LIMS1: variants seen among roughly 807,000 people sequenced by gnomAD.
The protein encoded by LIMS1 is LIM zinc finger domain containing 1, also known as LIM and senescent cell antigen-like-containing domain protein 1.
LIMS1 carries 18 observed loss-of-function variants against 44.1 expected under a neutral mutation model. The observed-to-expected ratio is 0.41, with a 90% CI of 0.28 to 0.61. The LOEUF (loss-of-function observed/expected upper bound fraction) is 0.61. LIMS1 is among the 20% of genes least tolerant of loss of function. LIMS1 has a pLI of 0.32. For synonymous variants in LIMS1, 93 were observed against 149.1 expected (o/e 0.62, Z 2.74); for missense variants, 201 against 422.0 (o/e 0.48, Z 4.59).
chr2:108,638,845 C>G (rs1206211544), intron 1 of LIMS1, among the ~76,000 whole-genome samples: 1 of 152,076 alleles, frequency 6.6e-6, no homozygotes, highest in Non-Finnish European at 1.5e-5. Flanking sequence ...AGATCAACAC[C>G]ATCCTGGCTA....
chr2:108,681,699 T>C (rs1299891489), intron 9 of LIMS1: 4 of 545,198 alleles, frequency 7.3e-6, no homozygotes, highest in Non-Finnish European at 9.3e-6. Flanking sequence ...AGTGGAAGGA[T>C]TGCCTGAGCC....
Position 108,638,968 on chromosome 2 carries a change from G to A in LIMS1, c.33-20637G>A, listed in dbSNP as rs188602114. ...TGAGGCAGGAGAATGGTGTGAACCC[G>A]GGAGGCGGAGCCTGCAGTGAGCATG... On this transcript the variant is annotated intron_variant, in intron 1 of 9. Transcript: ENST00000544547. Among the ~76,000 whole-genome samples, 22 of 152,190 alleles carry A rather than the reference G, an allele frequency of 1.4e-4. 1 individual carries two copies. Among genetic ancestry groups the A allele is most frequent in the Admixed American group, 6.5e-4 (10 of 15,296 alleles).
At chr2:108,597,569 G>A (rs1226035389) in intron 1 of LIMS1, among the ~76,000 whole-genome samples, 1 of 152,062 alleles carries the variant, frequency 6.6e-6, no homozygotes, top group African/African-American at 2.4e-5. Flanking sequence ...TTGCTTGTAC[G>A]TATGTCTGTG....
rs149352216 is a variant in LIMS1 at position 108,567,159 on chromosome 2, A to G, written c.32+32565A>G. ...TGATGAGAACAAAAAATTGATTCCC[A>G]GTTGGGACCAGTGTCTGTGTGGGGT... On this transcript the variant is annotated intron_variant, in intron 1 of 9. Transcript: ENST00000544547. 5.9e-5 allele frequency among the ~76,000 whole-genome samples: 9 copies of G among 152,310 alleles called. No individual in the cohort carries two copies. In the East Asian group the frequency reaches 1.2e-3, roughly 20 times the overall value.
At chr2:108,607,190 A>G in intron 1 of LIMS1, 1 of 1,550,610 alleles carries the variant, frequency 6.4e-7, no homozygotes, top group South Asian at 1.2e-5. Context: ...GCCATCTATG[A>G]GCATGGAGAG....
chr2:108,644,751 A>G (rs1689947830), intron 1 of LIMS1, among the ~76,000 whole-genome samples: 5 of 152,112 alleles, frequency 3.3e-5, no homozygotes, highest in Admixed American at 3.3e-4. Flanking sequence ...AAGAACGCTG[A>G]AAAAAGGTTA....
Position 108,612,049 on chromosome 2 carries a change from CACACATAT to C in LIMS1, c.33-47554_33-47547del, listed in dbSNP as rs1221570711. ...ACATATACACACACACACACACACA[CACACATAT>C]ATATATATATATACATATATATATG... On this transcript the variant is annotated intron_variant, in intron 1 of 9. Transcript: ENST00000544547. Among the ~76,000 whole-genome samples the C allele has an allele frequency of 3.1e-3, 282 of 92,298 alleles. 2 individuals carry two copies. Among genetic ancestry groups the C allele is most frequent in the African/African-American group, 0.014 (270 of 19,264 alleles). 60.6% of individuals were successfully genotyped at this position (92,298 alleles called of 152,430 possible). A position where few individuals can be genotyped will look rare whatever the true frequency, so the allele number is the denominator to read the frequency against.
chr2:108,687,243 A>G (rs924207644), downstream of LIMS1: 2 of 152,204 alleles, frequency 1.3e-5, no homozygotes, highest in African/African-American at 4.8e-5. Context: ...ATTGTTAACA[A>G]TAACCTGTTG....
At chr2:108,538,721 A>G (rs1684220431) in intron 1 of LIMS1, among the ~76,000 whole-genome samples, 1 of 152,236 alleles carries the variant, frequency 6.6e-6, no homozygotes, top group African/African-American at 2.4e-5. Context: ...AAACATGCAA[A>G]ACAAAATTTA....
In LIMS1 at chr2:108,549,334, G is replaced by A. The variant is rs71381967; in HGVS notation, c.32+14740G>A. On this transcript the variant is annotated intron_variant, in intron 1 of 9. Coordinates refer to ENST00000544547, the Ensembl canonical transcript of LIMS1. ...TTTTGAGATGCAGTGTCGCTCTGTC[G>A]CCCAGGCTGGAGTGTAGTGGCATGA... Among the ~76,000 whole-genome samples, 594 of 119,870 alleles carry A rather than the reference G, an allele frequency of 5.0e-3. 3 individuals carry two copies. Among genetic ancestry groups the A allele is most frequent in the Middle Eastern group, 0.015 (2 of 130 alleles). The allele number at this position is 119,870 out of a possible 152,430, so 78.6% of individuals were successfully genotyped here.
intron 9 of LIMS1, 80 bp from the exon 10 acceptor site, chr2:108,683,805 C>G: frequency 1.4e-6 from 1 of 700,960 alleles, no homozygotes; most frequent in South Asian, 2.1e-5. Flanking sequence ...TAGTTCAGTA[C>G]AATTACTGCA....
At chr2:108,573,545 A>G (rs1031550766) in intron 1 of LIMS1, among the ~76,000 whole-genome samples, 2 of 152,198 alleles carry the variant, frequency 1.3e-5, no homozygotes, top group African/African-American at 4.8e-5. Flanking sequence ...CACTGCAGGG[A>G]TGAATTACCT....
chr2:108,577,810 A>T (rs77734305), intron 1 of LIMS1, among the ~76,000 whole-genome samples: 1,833 of 152,326 alleles, frequency 0.012, 43 homozygotes, highest in African/African-American at 0.043. Context: ...AAAAAATGAA[A>T]ATCTATTTTT....
chr2:108,671,446 A>G (rs2433828), intron 3 of LIMS1, among the ~76,000 whole-genome samples: 2 of 152,090 alleles, frequency 1.3e-5, no homozygotes, highest in Non-Finnish European at 2.9e-5. Flanking sequence ...AACCTTTACC[A>G]ACTTGCTTTT....
At chr2:108,561,741 T>G (rs1478042090) in intron 1 of LIMS1, among the ~76,000 whole-genome samples, 1 of 120,974 alleles carries the variant, frequency 8.3e-6, no homozygotes, top group East Asian at 1.0e-3. Context: ...GCAGTGTTTT[T>G]TTTTGTTTTT....
intron 1 of LIMS1, among the ~76,000 whole-genome samples, chr2:108,551,489 GCGCACACA>G (rs1320694173): frequency 0.02 from 2,279 of 111,944 alleles, 31 homozygotes; most frequent in Non-Finnish European, 0.024. Context: ...ATGCGCGCGC[GCGCACACA>G]CACACACACA....
At chr2:108,539,498 C>T (rs12476488) in intron 1 of LIMS1, among the ~76,000 whole-genome samples, 57,660 of 151,960 alleles carry the variant, frequency 0.38, 12,616 homozygotes, top group East Asian at 0.89. Context: ...GCCCTGTCAG[C>T]GTCTTTAAGC....
chr2:108,588,828 T>C (rs1686233379), intron 1 of LIMS1, among the ~76,000 whole-genome samples: 1 of 152,210 alleles, frequency 6.6e-6, no homozygotes, highest in African/African-American at 2.4e-5. Flanking sequence ...TGTAGATGTG[T>C]ATTTAATTAT....
chr2:108,550,993 G>A (rs1374708739), intron 1 of LIMS1, among the ~76,000 whole-genome samples: 1 of 151,940 alleles, frequency 6.6e-6, no homozygotes, highest in Non-Finnish European at 1.5e-5. Flanking sequence ...GCTGGGCGTG[G>A]TGGCACACAC....
Sources: allele counts gnomAD v4.1 joint callset (sites outside exome capture counted in the v4.1 genomes callset), GRCh38; gene constraint gnomAD v4.1.1; transcripts MANE v1.5; gene names NCBI Gene and HGNC (gene_info 2026-07-23, HGNC 2026-07-21).